Variants in EYS observed in about 807,000 individuals in gnomAD.
EYS encodes the protein protein eyes shut homolog.
A neutral mutation model predicts 282.1 loss-of-function variants in EYS; 250 were observed. The observed-to-expected ratio is 0.89, with a 90% CI of 0.80 to 0.98. The LOEUF is 0.98. EYS is among the 50% of genes least tolerant of loss of function. The pLI is 0.00. For missense variants in EYS, 4,016 were observed against 3,709.0 expected (o/e 1.08, Z -2.15); for synonymous variants, 1,355 against 1,282.9 (o/e 1.06, Z -1.20).
chr6:64,146,336 T>C (rs943412250), intron 31 of EYS, among the ~76,000 whole-genome samples: 1 of 152,204 alleles, frequency 6.6e-6, no homozygotes, highest in East Asian at 1.9e-4. Flanking sequence ...TGTGGGTTTA[T>C]TTAAGATTAA....
intron 32 of EYS, among the ~76,000 whole-genome samples, chr6:64,070,547 GCC>G (rs1341136674): frequency 1.3e-5 from 2 of 151,966 alleles, no homozygotes; most frequent in African/African-American, 4.8e-5. Context: ...GAAAATAGCT[GCC>G]AAATAGTCAT....
intron 33 of EYS, among the ~76,000 whole-genome samples, chr6:64,038,782 T>C (rs1156649803): frequency 6.6e-6 from 1 of 151,928 alleles, no homozygotes; most frequent in East Asian, 1.9e-4. Flanking sequence ...ATTTTCTTTT[T>C]ACTTTTGTTT....
intron 31 of EYS, among the ~76,000 whole-genome samples, chr6:64,207,143 G>A (rs1434483609): frequency 6.6e-6 from 1 of 152,068 alleles, no homozygotes; most frequent in Non-Finnish European, 1.5e-5. Flanking sequence ...ACTGGACGAT[G>A]GGGCCTTTAA....
intron 36 of EYS, among the ~76,000 whole-genome samples, chr6:63,832,783 A>T (rs184938532): frequency 6.8e-4 from 104 of 152,330 alleles, no homozygotes; most frequent in Middle Eastern, 3.4e-3. Flanking sequence ...TTTTAGACCA[A>T]TATTCCTGGT....
At chr6:64,735,162 C>T (rs1453608826) in intron 22 of EYS, among the ~76,000 whole-genome samples, 1 of 152,190 alleles carries the variant, frequency 6.6e-6, no homozygotes, top group African/African-American at 2.4e-5. Flanking sequence ...CTGCTCACTG[C>T]AAGCTCCATC....
chr6:65,129,611 G>A (rs1362999770), intron 12 of EYS, among the ~76,000 whole-genome samples: 1 of 151,890 alleles, frequency 6.6e-6, no homozygotes, highest in Non-Finnish European at 1.5e-5. Context: ...ACCACAATGA[G>A]ATACCATCTC....
chr6:64,067,583 A>C (rs1280404966), intron 32 of EYS, among the ~76,000 whole-genome samples: 1 of 152,090 alleles, frequency 6.6e-6, no homozygotes, highest in African/African-American at 2.4e-5. Context: ...TATTCACATA[A>C]TTTTTATTAC....
At chr6:63,812,317 G>A (rs1771068985) in intron 36 of EYS, among the ~76,000 whole-genome samples, 1 of 152,068 alleles carries the variant, frequency 6.6e-6, no homozygotes. Context: ...AAAGCTGCAT[G>A]GCCTGCTCCC....
chr6:63,751,190 G>C (rs956529375), intron 41 of EYS, among the ~76,000 whole-genome samples: 3 of 151,838 alleles, frequency 2.0e-5, no homozygotes, highest in African/African-American at 7.3e-5. Flanking sequence ...TCATAAACAG[G>C]TCTTTATCTG....
At chr6:65,156,968 C>G (rs1764744301) in intron 12 of EYS, among the ~76,000 whole-genome samples, 1 of 150,950 alleles carries the variant, frequency 6.6e-6, no homozygotes, top group African/African-American at 2.4e-5. Context: ...AATTCTAAAA[C>G]AAAAAATAAT....
intron 26 of EYS, among the ~76,000 whole-genome samples, chr6:64,491,371 G>A (rs1438448097): frequency 2.0e-5 from 3 of 150,722 alleles, no homozygotes; most frequent in Non-Finnish European, 4.5e-5. Context: ...ATATTTACTT[G>A]ATAGAAATTA....
chr6:64,705,364 G>C (rs760509656), intron 22 of EYS, among the ~76,000 whole-genome samples: 1 of 152,102 alleles, frequency 6.6e-6, no homozygotes, highest in African/African-American at 2.4e-5. Context: ...CATTCTCATG[G>C]ATGGGCAGAA....
intron 29 of EYS, among the ~76,000 whole-genome samples, chr6:64,365,720 GAC>G (rs1194385537): frequency 6.6e-6 from 1 of 151,912 alleles, no homozygotes; most frequent in African/African-American, 2.4e-5. Context: ...TTATAAATTA[GAC>G]ACAATAAAAT....
intron 2 of EYS, among the ~76,000 whole-genome samples, chr6:65,612,759 TTTA>T (rs1263577706): frequency 7.6e-6 from 1 of 130,778 alleles, no homozygotes; most frequent in African/African-American, 2.4e-5. Flanking sequence ...TGGTATGTTA[TTTA>T]TTATAACTTA....
chr6:65,702,556 G>A (rs1389736026), intron 1 of EYS, among the ~76,000 whole-genome samples: 1 of 152,106 alleles, frequency 6.6e-6, no homozygotes, highest in Non-Finnish European at 1.5e-5. Flanking sequence ...GCCAGGCGTG[G>A]TAGCACTTGC....
chr6:65,229,554 G>A (rs1242513710), intron 12 of EYS, among the ~76,000 whole-genome samples: 4 of 151,730 alleles, frequency 2.6e-5, no homozygotes, highest in South Asian at 2.1e-4. Flanking sequence ...GAGCCCTTTC[G>A]GGAAATTAGA....
At chr6:65,533,253 G>T (rs1582423802) in intron 2 of EYS, among the ~76,000 whole-genome samples, 2 of 151,956 alleles carry the variant, frequency 1.3e-5, no homozygotes, top group African/African-American at 4.8e-5. Context: ...TAAATTCCTG[G>T]ACACATACAC....
chr6:64,233,682 C>A (rs528803766), intron 30 of EYS, among the ~76,000 whole-genome samples: 5 of 152,208 alleles, frequency 3.3e-5, no homozygotes, highest in Admixed American at 2.0e-4. Context: ...AGTGACAAAC[C>A]AGCCATTATT....
At chr6:65,244,560 T>A (rs1767132764) in intron 12 of EYS, among the ~76,000 whole-genome samples, 1 of 152,174 alleles carries the variant, frequency 6.6e-6, no homozygotes. Flanking sequence ...TCGCCCAGAC[T>A]GGAGTGCAGT....
Sources: gnomAD v4.1 joint callset for allele counts (sites outside exome capture counted in the v4.1 genomes callset) on GRCh38, gnomAD v4.1.1 for gene constraint, MANE v1.5 for transcripts, NCBI Gene and HGNC (gene_info 2026-07-23, HGNC 2026-07-21) for gene names.